KIAA0753: variants seen among roughly 807,000 people sequenced by gnomAD.
The protein encoded by KIAA0753 is KIAA0753.
Under a neutral mutation model 116.9 loss-of-function variants are expected in KIAA0753, and 114 were observed. The ratio of observed to expected loss-of-function variants is 0.98; its 90% CI spans 0.84 to 1.14. The LOEUF (loss-of-function observed/expected upper bound fraction) is 1.14. Ranked by LOEUF, KIAA0753 falls within the 50% of genes most tolerant of loss-of-function variation. The pLI is 0.00. For missense variants in KIAA0753, 1,156 were observed against 1,172.4 expected, an observed-to-expected ratio of 0.99 and a Z score of 0.20; for synonymous variants, 405 against 413.1, an observed-to-expected ratio of 0.98 and a Z score of 0.24.
intron 12 of KIAA0753, among the ~76,000 whole-genome samples, chr17:6,605,030 T>C (rs1220110455): frequency 6.7e-6 from 1 of 149,870 alleles, no homozygotes; most frequent in East Asian, 2.0e-4. Flanking sequence ...GAAGGATCAC[T>C]TGAGCCCAGG....
At chr17:6,629,525 C>T (rs577962463) in intron 2 of KIAA0753, among the ~76,000 whole-genome samples, 1 of 152,168 alleles carries the variant, frequency 6.6e-6, no homozygotes, top group Admixed American at 6.5e-5. Context: ...AAAATTATTT[C>T]CTTAGGATAA....
At chr17:6,605,766 G>A (rs1359833794) in intron 12 of KIAA0753, among the ~76,000 whole-genome samples, 2 of 152,102 alleles carry the variant, frequency 1.3e-5, no homozygotes, top group African/African-American at 4.8e-5. Context: ...TGCAGCAGTG[G>A]CAACGGTCGA....
intron 16 of KIAA0753, among the ~76,000 whole-genome samples, chr17:6,594,560 G>A (rs1969328822): frequency 6.6e-6 from 1 of 152,174 alleles, no homozygotes; most frequent in Non-Finnish European, 1.5e-5. Context: ...GGGCATGAGG[G>A]AACTTTCTGA....
At chr17:6,640,535 G>C (rs1972610314) in intron 1 of KIAA0753, 102 bp downstream of exon 1, 1 of 152,110 alleles carries the variant, frequency 6.6e-6, no homozygotes, top group Non-Finnish European at 1.5e-5. Context: ...GGTAACTGGG[G>C]GGACAAAGCA....
chr17:6,612,362 G>A (rs1295328114), intron 7 of KIAA0753, among the ~76,000 whole-genome samples: 1 of 152,026 alleles, frequency 6.6e-6, no homozygotes, highest in Non-Finnish European at 1.5e-5. Context: ...CTGAATCTTC[G>A]CTATCATATT....
intron 18 of KIAA0753, among the ~76,000 whole-genome samples, chr17:6,580,930 A>ACCCC (rs1555521217): frequency 1.5e-3 from 222 of 144,030 alleles, no homozygotes; most frequent in African/African-American, 5.3e-3. Context: ...ACACACACAC[A>ACCCC]CCTTCATTTT....
chr17:6,580,899 T>TACACACACACACACACACACACACACAC (rs33914667), intron 18 of KIAA0753, among the ~76,000 whole-genome samples: 1 of 143,946 alleles, frequency 6.9e-6, no homozygotes, highest in African/African-American at 2.7e-5. Context: ...TGCTCCTCTG[T>TACACACACACACACACACACACACACAC]ACACACACAC....
intron 7 of KIAA0753, among the ~76,000 whole-genome samples, chr17:6,612,378 A>G (rs1189782504): frequency 6.6e-6 from 1 of 152,090 alleles, no homozygotes; most frequent in Non-Finnish European, 1.5e-5. Flanking sequence ...ATATTTACTC[A>G]TTTACCTGGT....
rs1158000188 is a variant in KIAA0753, at chr17:6,589,928, A to G, written c.2637T>C (p.Asp879=). The change falls in exon 18 of 19, where the codon GAT becomes GAC. Residue 879 remains aspartate, a synonymous_variant. Transcript: ENST00000361413. The part of the protein sequence containing the change: ...REAPLLSLAE[D]SQQKEGRAPL... ...GAGCTCGGCCTTCTTTCTGTTGAGA[A>G]TCTTCGGCTAGGGAGAGAAGAGGGG... The G allele has an allele frequency of 1.2e-6, 2 of 1,612,576 alleles. No homozygotes were observed. Among genetic ancestry groups the G allele is most frequent in the Non-Finnish European group, 1.7e-6 (2 of 1,179,560 alleles).
chr17:6,591,150 T>A (rs1969038361), intron 16 of KIAA0753, among the ~76,000 whole-genome samples: 1 of 151,914 alleles, frequency 6.6e-6, no homozygotes, highest in African/African-American at 2.4e-5. Flanking sequence ...ATTTAATTTG[T>A]CTCTGGGCAA....
chr17:6,622,822 A>G, intron 6 of KIAA0753, 60 bp downstream of exon 6: 1 of 1,388,870 alleles, frequency 7.2e-7, no homozygotes, highest in Non-Finnish European at 1.0e-6. Context: ...TAACGAAACT[A>G]GGTAATAGTA....
chr17:6,628,173 C>A lies in KIAA0753; in HGVS notation c.662G>T (p.Arg221Leu). The part of the protein sequence containing the change: ...SEQKSLLEVQ[R>L]LQKELSSCIH... ...ACAACTGCTCAGTTCTTTCTGGAGT[C>A]GCTGGACTTCTAGCAGGCTTTTCTG... Residue 221 changes from arginine (R) to leucine (L), a missense_variant, in exon 3 of 19, where the codon CGA (arginine) becomes CTA (leucine). Physicochemically the swap from Arg to Leu is moderately radical, Grantham distance 102. Transcript: ENST00000361413. 1 of 1,614,118 alleles carries A rather than the reference C, an allele frequency of 6.2e-7. No individual in the cohort carries two copies. The highest frequency in any genetic ancestry group is 8.5e-7 in the Non-Finnish European group (1 of 1,180,006).
intron 12 of KIAA0753, 66 bp from the exon 13 acceptor site, chr17:6,600,524 T>C: frequency 7.9e-7 from 1 of 1,260,478 alleles, no homozygotes; most frequent in Non-Finnish European, 1.2e-6. Context: ...GCATATTTAT[T>C]TGCCACTCCA....
In KIAA0753 at chr17:6,622,909, C is replaced by G; in HGVS notation, c.1077G>C (p.Val359=). The change falls in exon 6 of 19, where the codon GTG becomes GTC. Residue 359 remains valine (V), a synonymous_variant. Coordinates refer to ENST00000361413, the MANE Select transcript of KIAA0753 (RefSeq NM_014804.3). ...CAATTTGTTGCAGAATATCTATAAC[C>G]ACATCAGGAACAGAAGGGTCTGCAT... ...KLDADPSVPD[V]VIDILQQIEA... 1 of 1,613,932 alleles carries G rather than the reference C, an allele frequency of 6.2e-7. No homozygotes were observed. The highest frequency in any genetic ancestry group is 8.5e-7 in the Non-Finnish European group (1 of 1,179,858).
At position 6,580,598 on chromosome 17, in the gene KIAA0753, G is replaced by A. The variant is rs137961168; in HGVS notation, c.2787-734C>T. ...CCCAAAGTGCTGGGATTACAGGCAT[G>A]AGCCACTGTGCCCGGCCAAGATACT... On this transcript the variant is annotated intron_variant, in intron 18 of 18. Coordinates refer to ENST00000361413, the MANE Select transcript of KIAA0753 (RefSeq NM_014804.3). 2.6e-3 allele frequency among the ~76,000 whole-genome samples: 403 copies of A among 152,250 alleles called. 2 individuals carry two copies. Among genetic ancestry groups the A allele is most frequent in the Admixed American group, 7.4e-3 (113 of 15,302 alleles).
chr17:6,624,446 G>A (rs2150893410), intron 4 of KIAA0753, among the ~76,000 whole-genome samples: 1 of 151,630 alleles, frequency 6.6e-6, no homozygotes, highest in East Asian at 2.0e-4. Context: ...TAATGTATAA[G>A]CATCTTGGGG....
intron 16 of KIAA0753, among the ~76,000 whole-genome samples, chr17:6,594,126 T>A (rs1969286665): frequency 1.3e-5 from 2 of 152,178 alleles, no homozygotes; most frequent in Non-Finnish European, 2.9e-5. Flanking sequence ...ACACACAGAT[T>A]ATACACATGA....
rs374396279 is a variant in KIAA0753, at chr17:6,596,185, G to T, written c.2331C>A (p.Ile777=). 6.2e-7 allele frequency: 1 copy of T among 1,613,746 alleles called. No individual in the cohort carries two copies. The highest frequency in any genetic ancestry group is 1.3e-5 in the African/African-American group (1 of 74,892). The change falls in exon 15 of 19, where the codon ATC becomes ATA. Residue 777 remains isoleucine, a synonymous_variant. Coordinates refer to ENST00000361413, the MANE Select transcript of KIAA0753 (RefSeq NM_014804.3). The part of the protein sequence containing the change: ...EDSKDSPDLE[I]MMRRMEEMEK... ...CCATCTCTTCCATTCGGCGCATCAT[G>T]ATCTCCAGATCTGGGCTATCCTTGC...
intron 16 of KIAA0753, among the ~76,000 whole-genome samples, chr17:6,594,749 G>T (rs1404625056): frequency 3.9e-5 from 6 of 152,168 alleles, no homozygotes; most frequent in Admixed American, 3.9e-4. Context: ...TGAATATTTA[G>T]GGGTAAAGTG....
Sources: allele counts gnomAD v4.1 joint callset (sites outside exome capture counted in the v4.1 genomes callset), GRCh38; gene constraint gnomAD v4.1.1; transcripts MANE v1.5; gene names NCBI Gene and HGNC (gene_info 2026-07-23, HGNC 2026-07-21).